DOCK4: variants seen among roughly 807,000 people sequenced by gnomAD.
The protein encoded by DOCK4 is dedicator of cytokinesis protein 4.
In DOCK4, 97 loss-of-function variants were observed where a neutral mutation model predicts 268.1. That is an observed-to-expected ratio of 0.36 (90% confidence interval 0.31 to 0.43). The LOEUF (loss-of-function observed/expected upper bound fraction) is 0.43, where lower values mean the gene tolerates loss of function less well. DOCK4 is among the 20% of genes least tolerant of loss of function. The pLI is 1.00. For synonymous variants in DOCK4, 954 were observed against 887.2 expected (o/e 1.08, Z -1.34); for missense variants, 2,145 against 2,455.7 (o/e 0.87, Z 2.67).
intron 1 of DOCK4, among the ~76,000 whole-genome samples, chr7:112,121,838 T>G (rs1812757354): frequency 2.0e-5 from 3 of 152,338 alleles, no homozygotes; most frequent in South Asian, 4.1e-4. Context: ...ATCAAAGTCA[T>G]GACCTTCCTG....
At chr7:112,057,297 C>A (rs1237253500) in intron 1 of DOCK4, among the ~76,000 whole-genome samples, 1 of 152,006 alleles carries the variant, frequency 6.6e-6, no homozygotes, top group Non-Finnish European at 1.5e-5. Flanking sequence ...AATCCCAACA[C>A]TTTGGGACTT....
At chr7:111,911,224 A>G (rs964872069) in intron 13 of DOCK4, among the ~76,000 whole-genome samples, 1 of 152,230 alleles carries the variant, frequency 6.6e-6, no homozygotes, top group Non-Finnish European at 1.5e-5. Context: ...GCAGACGGTC[A>G]GTGTAACATT....
At chr7:112,035,231 G>A (rs1162382775) in intron 1 of DOCK4, among the ~76,000 whole-genome samples, 3 of 152,162 alleles carry the variant, frequency 2.0e-5, no homozygotes, top group Non-Finnish European at 4.4e-5. Flanking sequence ...TCACTTCTGC[G>A]TGGTCAGAGC....
chr7:111,911,182 C>T (rs902248985), intron 13 of DOCK4, among the ~76,000 whole-genome samples: 8 of 152,028 alleles, frequency 5.3e-5, no homozygotes, highest in African/African-American at 1.9e-4. Context: ...CTCTGAAGGA[C>T]ACATCTAGAC....
chr7:112,107,735 G>C (rs1175031915), intron 1 of DOCK4, among the ~76,000 whole-genome samples: 1 of 152,212 alleles, frequency 6.6e-6, no homozygotes, highest in African/African-American at 2.4e-5. Flanking sequence ...ATTCTGAAGA[G>C]TGAAGGTCAG....
At chr7:111,907,319 G>A (rs1486908741) in intron 13 of DOCK4, among the ~76,000 whole-genome samples, 1 of 152,136 alleles carries the variant, frequency 6.6e-6, no homozygotes, top group Non-Finnish European at 1.5e-5. Context: ...GCAAGCAAGG[G>A]CACATGATGC....
intron 26 of DOCK4, among the ~76,000 whole-genome samples, chr7:111,827,298 C>T (rs1402066984): frequency 1.3e-5 from 2 of 151,998 alleles, no homozygotes; most frequent in South Asian, 4.2e-4. Context: ...TTTCTGTAAT[C>T]AATATATTCA....
intron 13 of DOCK4, among the ~76,000 whole-genome samples, chr7:111,905,652 G>A (rs1032152104): frequency 2.4e-4 from 36 of 151,368 alleles, no homozygotes; most frequent in Admixed American, 2.4e-3. Flanking sequence ...CTGTCCCAGC[G>A]GCTTTATCTA....
At chr7:111,933,249 CATATATACTTATATATATATACATATAT>C (rs1794390081) in intron 12 of DOCK4, among the ~76,000 whole-genome samples, 1 of 126,654 alleles carries the variant, frequency 7.9e-6, no homozygotes, top group Admixed American at 8.0e-5. Context: ...CGTATATATA[CATATATACTTATATATATATACATATAT>C]ACATATATAT....
At chr7:112,096,094 A>G (rs1264570905) in intron 1 of DOCK4, among the ~76,000 whole-genome samples, 2 of 152,186 alleles carry the variant, frequency 1.3e-5, no homozygotes, top group South Asian at 2.1e-4. Context: ...TTTGTCTCGT[A>G]ATAAATAAAT....
At chr7:111,982,470 T>C (rs916009966) in intron 7 of DOCK4, among the ~76,000 whole-genome samples, 14 of 152,214 alleles carry the variant, frequency 9.2e-5, no homozygotes. Context: ...ACTGACTAAA[T>C]GCTTACATGT....
At chr7:112,007,937 C>T (rs185719454) in intron 1 of DOCK4, among the ~76,000 whole-genome samples, 8 of 152,250 alleles carry the variant, frequency 5.3e-5, no homozygotes, top group Admixed American at 5.2e-4. Context: ...TATAAAGTAG[C>T]TATCTCTTTA....
intron 1 of DOCK4, among the ~76,000 whole-genome samples, chr7:112,158,281 T>A (rs983127295): frequency 5.3e-5 from 8 of 152,228 alleles, no homozygotes; most frequent in Admixed American, 1.3e-4. Flanking sequence ...TTGGTACTAC[T>A]CATGGTCTTA....
At chr7:111,931,991 G>A (rs945333282) in intron 12 of DOCK4, among the ~76,000 whole-genome samples, 2 of 152,156 alleles carry the variant, frequency 1.3e-5, no homozygotes, top group African/African-American at 2.4e-5. Flanking sequence ...GTGTGGTTTG[G>A]TTTAACTGGA....
intron 35 of DOCK4, among the ~76,000 whole-genome samples, chr7:111,780,646 T>A (rs17158815): frequency 0.028 from 4,317 of 152,360 alleles, 90 homozygotes; most frequent in Middle Eastern, 0.061. Context: ...ATGTCAAATA[T>A]TACTTTTTTA....
intron 1 of DOCK4, among the ~76,000 whole-genome samples, chr7:112,180,407 G>A (rs1818921146): frequency 6.6e-6 from 1 of 152,144 alleles, no homozygotes; most frequent in Non-Finnish European, 1.5e-5. Flanking sequence ...GGTCCACACA[G>A]CACAACCTGC....
intron 1 of DOCK4, among the ~76,000 whole-genome samples, chr7:112,097,363 C>T (rs1013054248): frequency 3.3e-5 from 5 of 151,942 alleles, no homozygotes; most frequent in African/African-American, 1.2e-4. Flanking sequence ...CACTTGAGCC[C>T]AGGAGTTTGA....
In DOCK4 at chr7:112,101,068, G is replaced by A. The variant is rs1810633210; in HGVS notation, c.38-96937C>T. On this transcript the variant is annotated intron_variant, in intron 1 of 52. Transcript: ENST00000428084. ...ATCTGGGGGTGTGTTATGGAAGGAAGGGGTACAGGGGGGACACATAGAGTG... is the reference window on the plus strand; with the variant it reads ...ATCTGGGGGTGTGTTATGGAAGGAAAGGGTACAGGGGGGACACATAGAGTG... Among the ~76,000 whole-genome samples the A allele has an allele frequency of 2.6e-5, 4 of 152,140 alleles. 1 individual carries two copies. The South Asian group carries it at 8.3e-4, about 32-fold the overall frequency.
intron 1 of DOCK4, among the ~76,000 whole-genome samples, chr7:112,128,147 T>A (rs1200832672): frequency 6.6e-6 from 1 of 152,194 alleles, no homozygotes; most frequent in Non-Finnish European, 1.5e-5. Context: ...CTGGCAAGGG[T>A]AGATTCCAGT....
Sources: allele counts gnomAD v4.1 joint callset (sites outside exome capture counted in the v4.1 genomes callset), GRCh38; gene constraint gnomAD v4.1.1; transcripts MANE v1.5; gene names NCBI Gene and HGNC (gene_info 2026-07-23, HGNC 2026-07-21).